The following TSPEAR variants were observed in gnomAD, a reference collection of about 807,000 sequenced individuals.
TSPEAR encodes thrombospondin type laminin G domain and EAR repeats, also known as thrombospondin-type laminin G domain and EAR repeat-containing protein.
In TSPEAR, 69 loss-of-function variants were observed where a neutral mutation model predicts 71.6. The observed-to-expected ratio is 0.96, with a 90% confidence interval of 0.79 to 1.18. TSPEAR has a LOEUF of 1.18. TSPEAR is among the 50% of genes most tolerant of loss of function. The pLI, the probability that TSPEAR is intolerant of heterozygous loss-of-function variation, is 0.00. For missense variants in TSPEAR, 971 were observed against 894.9 expected (o/e 1.09, Z -1.09); for synonymous variants, 402 against 387.2 (o/e 1.04, Z -0.45).
At chr21:44,559,062 G>C (rs9983585) in intron 2 of TSPEAR, among the ~76,000 whole-genome samples, 2 of 152,146 alleles carry the variant, frequency 1.3e-5, no homozygotes, top group African/African-American at 4.8e-5. Flanking sequence ...GACAGTGGCA[G>C]TTAGGAGATA....
At chr21:44,666,997 C>T (rs782165887) in intron 1 of TSPEAR, 2 of 1,213,040 alleles carry the variant, frequency 1.6e-6, no homozygotes, top group African/African-American at 1.5e-5. Flanking sequence ...CAGAAGCACA[C>T]CTGTCTTCCT....
chr21:44,669,384 C>G (rs1323740346), intron 1 of TSPEAR, among the ~76,000 whole-genome samples: 5 of 152,262 alleles, frequency 3.3e-5, no homozygotes, highest in South Asian at 4.1e-4. Flanking sequence ...GATTGCACCA[C>G]TGCACTCCAG....
At chr21:44,502,638 C>T (rs1176447140) in intron 11 of TSPEAR, among the ~76,000 whole-genome samples, 2 of 152,278 alleles carry the variant, frequency 1.3e-5, no homozygotes, top group African/African-American at 2.4e-5. Flanking sequence ...AAGGCAGAAG[C>T]ACCAGCACTC....
chr21:44,676,904 C>T lies in TSPEAR; in HGVS notation c.82+34529G>A, dbSNP rs186384599. The T allele has an allele frequency of 7.6e-3, 6,706 of 884,390 alleles. 32 individuals carry two copies. The highest frequency in any genetic ancestry group is 9.7e-3 in the Non-Finnish European group (4,977 of 515,678). 54.8% of individuals were successfully genotyped at this position (884,390 alleles called of 1,614,324 possible). ...TCTGCTAGCTCTCTGTTCAGCTGAT[C>T]GATGTGACGATGTGCACGGGCAATC... On this transcript the variant is annotated intron_variant, in intron 1 of 11. Coordinates refer to ENST00000323084, the MANE Select transcript of TSPEAR (RefSeq NM_144991.3).
chr21:44,499,713 G>A lies in TSPEAR; in HGVS notation c.*70C>T. On this transcript the variant is annotated 3_prime_UTR_variant, in exon 12 of 12. Transcript: ENST00000323084. ...AGGCTGGGCCCACCTGGACGTCCAG[G>A]GTCAGTTGGGGGAGGTGCTGGGGTC... 2.7e-6 allele frequency: 4 copies of A among 1,457,554 alleles called. No homozygotes were observed. The highest frequency in any genetic ancestry group is 2.7e-5 in the South Asian group (2 of 74,026). The allele number at this position is 1,457,554 out of a possible 1,614,324, so 90.3% of individuals were successfully genotyped here. A position where few individuals can be genotyped will look rare whatever the true frequency, so the allele number is the denominator to read the frequency against.
chr21:44,647,547 C>A (rs1242147060), intron 1 of TSPEAR: 1 of 702,342 alleles, frequency 1.4e-6, no homozygotes, highest in African/African-American at 1.8e-5. Flanking sequence ...AATCCCTCAG[C>A]AGGTGGACTG....
intron 1 of TSPEAR, among the ~76,000 whole-genome samples, chr21:44,613,619 G>A (rs587600385): frequency 2.0e-5 from 3 of 152,168 alleles, no homozygotes; most frequent in Admixed American, 6.5e-5. Flanking sequence ...GCAGCAATGC[G>A]AGGGGAGAGG....
At chr21:44,610,797 G>C (rs1049658654) in intron 1 of TSPEAR, among the ~76,000 whole-genome samples, 1 of 152,330 alleles carries the variant, frequency 6.6e-6, no homozygotes, top group African/African-American at 2.4e-5. Context: ...AGCCACAGGG[G>C]TGGAGCTGTC....
At chr21:44,681,743 C>T in intron 1 of TSPEAR, 1 of 1,426,786 alleles carries the variant, frequency 7.0e-7, no homozygotes, top group Admixed American at 2.1e-5. Flanking sequence ...TCACCTGCAC[C>T]ATGTGCAGAA....
Position 44,566,128 on chromosome 21 carries a change from C to T in TSPEAR, c.303+1657G>A, listed in dbSNP as rs782708755. On this transcript the variant is annotated intron_variant, in intron 2 of 11. Transcript: ENST00000323084. ...CCAGGAAATAGAGGTTGCATTGAGC[C>T]GAGATTGCACCACTGCATTCCAGCC... Among the ~76,000 whole-genome samples, 28 of 152,160 alleles carry T rather than the reference C, an allele frequency of 1.8e-4. 1 individual carries two copies. In the Middle Eastern group the frequency reaches 0.014, roughly 74 times the overall value.
intron 1 of TSPEAR, among the ~76,000 whole-genome samples, chr21:44,571,591 C>T (rs1251160465): frequency 6.6e-6 from 1 of 152,042 alleles, no homozygotes. Context: ...CCTAGAGAAG[C>T]GTCTGATTCC....
At chr21:44,647,476 T>C in intron 1 of TSPEAR, 1 of 1,194,778 alleles carries the variant, frequency 8.4e-7, no homozygotes, top group East Asian at 2.5e-5. Flanking sequence ...AGCTGCTGCC[T>C]GAAGGGGATT....
rs200326705 is a variant in TSPEAR, at chr21:44,632,685, C to CA, written c.83-64681dup. The stretch of plus-strand genomic sequence containing the variant: ...TCCATCTCTGCTAAAAATACACACA[C>CA]AAAAAAAAATAGCTGAGTGTGGTGG... On this transcript the variant is annotated intron_variant, in intron 1 of 11. Coordinates refer to ENST00000323084, the MANE Select transcript of TSPEAR (RefSeq NM_144991.3). Among the ~76,000 whole-genome samples, 364 of 151,076 alleles carry CA rather than the reference C, an allele frequency of 2.4e-3. 1 individual carries two copies. The highest frequency in any genetic ancestry group is 0.01 in the Middle Eastern group (3 of 292).
chr21:44,627,405 G>C (rs62220925), intron 1 of TSPEAR: 2 of 1,613,744 alleles, frequency 1.2e-6, no homozygotes, highest in African/African-American at 1.3e-5. Flanking sequence ...GCACGCCCTC[G>C]TGCTGCCAGC....
intron 3 of TSPEAR, 91 bp downstream of exon 3, chr21:44,533,594 G>T: frequency 1.8e-6 from 2 of 1,085,692 alleles, no homozygotes; most frequent in Non-Finnish European, 2.7e-6. Flanking sequence ...GACAGCTCCT[G>T]CAGGTGTTGC....
intron 1 of TSPEAR, among the ~76,000 whole-genome samples, chr21:44,622,913 C>G (rs1194013482): frequency 6.6e-6 from 1 of 152,122 alleles, no homozygotes; most frequent in African/African-American, 2.4e-5. Context: ...TAGTGCTGTC[C>G]TTGTGATAGT....
chr21:44,499,624 C>T lies in TSPEAR; in HGVS notation c.*159G>A. On this transcript the variant is annotated 3_prime_UTR_variant, in exon 12 of 12. Transcript: ENST00000323084. ...ACTCAGAGGTGGATGGATGTCCCTGCCCGAACCAGGGCCGCAGATGGCCCC... is the reference window on the plus strand; with the variant it reads ...ACTCAGAGGTGGATGGATGTCCCTGTCCGAACCAGGGCCGCAGATGGCCCC... 1.4e-6 allele frequency: 1 copy of T among 691,924 alleles called. No individual in the cohort carries two copies. The highest frequency in any genetic ancestry group is 2.3e-6 in the Non-Finnish European group (1 of 439,182). 42.9% of individuals were successfully genotyped at this position (691,924 alleles called of 1,614,324 possible).
chr21:44,667,308 C>T (rs2256496), intron 1 of TSPEAR, among the ~76,000 whole-genome samples: 108,875 of 152,042 alleles, frequency 0.72, 39,451 homozygotes, highest in African/African-American at 0.82. Context: ...GAAGGCTCCA[C>T]AGTCAATGTG....
rs782013021 is a variant in TSPEAR, at chr21:44,546,496, G to A, written c.304-12573C>T. Among the ~76,000 whole-genome samples, 10 of 152,136 alleles carry A rather than the reference G, an allele frequency of 6.6e-5. No homozygotes were observed. The highest frequency in any genetic ancestry group is 2.0e-4 in the Admixed American group (3 of 15,270). On this transcript the variant is annotated intron_variant, in intron 2 of 11. Transcript: ENST00000323084. The surrounding 1 kb of genome is among the most constrained non-coding windows in gnomAD (Gnocchi z 4.4). The stretch of plus-strand genomic sequence containing the variant: ...ACTACAGGCTCCCGCCACCAGGCCC[G>A]GCTAATTTTTTGTATTTTGATTGGA...
Sources: gnomAD v4.1 joint callset for allele counts (sites outside exome capture counted in the v4.1 genomes callset) on GRCh38, gnomAD v4.1.1 for gene constraint, Gnocchi (gnomAD v3.1) non-coding constraint, MANE v1.5 for transcripts, NCBI Gene and HGNC (gene_info 2026-07-23, HGNC 2026-07-21) for gene names.